TECTA: variants seen among roughly 807,000 people sequenced by gnomAD.
The protein encoded by TECTA is tectorin alpha, also known as alpha-tectorin.
In TECTA, 128 loss-of-function variants were observed where a neutral mutation model predicts 216.8. The observed-to-expected ratio is 0.59, with a 90% confidence interval of 0.51 to 0.68. The LOEUF is 0.68. Among genes scored for constraint, TECTA ranks in the 30% least tolerant of loss-of-function variants. The pLI is 0.00. For synonymous variants in TECTA, 1,089 were observed against 1,117.1 expected (o/e 0.97, Z 0.50); for missense variants, 2,551 against 2,786.2 (o/e 0.92, Z 1.90).
Position 121,160,439 on chromosome 11 carries a change from C to T in TECTA, c.4976+18C>T, listed in dbSNP as rs748790296. 1 of 1,597,998 alleles carries T rather than the reference C, an allele frequency of 6.3e-7. No homozygotes were observed. Among genetic ancestry groups the T allele is most frequent in the East Asian group, 2.3e-5 (1 of 44,028 alleles). ...CAGAAGAGGTGAGGGTGTAGGAGTT[C>T]AAGCCACTAGACTTGGTGGCCCAAG... is the stretch of plus-strand genomic sequence containing the variant. On this transcript the variant is annotated intron_variant, in intron 15 of 23. Coordinates refer to ENST00000392793, the MANE Select transcript of TECTA (RefSeq NM_005422.4).
chr11:121,153,531 G>A (rs988706198), intron 13 of TECTA, among the ~76,000 whole-genome samples: 2 of 152,100 alleles, frequency 1.3e-5, no homozygotes, highest in African/African-American at 4.8e-5. Context: ...TGAGTGGGGC[G>A]GACTTCCCTC....
Position 121,145,879 on chromosome 11 carries a change from A to G in TECTA, c.3868A>G (p.Lys1290Glu), listed in dbSNP as rs975890837. The stretch of plus-strand genomic sequence containing the variant: ...TGGGGACCGCTGTCCGTCCTGTGCC[A>G]AGGTGGAAGGTTTCTCCAAAGTGCA... ...GCGDRCPSCAKVEGFSKVQQL... is the reference protein window; with the variant it reads ...GCGDRCPSCAEVEGFSKVQQL... The change falls in exon 12 of 24, where the codon AAG becomes GAG. Residue 1290 changes from lysine to glutamate, a missense_variant. This residue lies in a region of TECTA where 2,375 missense variants were observed against 2,563.9 expected (regional missense o/e 0.93). Coordinates refer to ENST00000392793, the MANE Select transcript of TECTA (RefSeq NM_005422.4). 6.2e-7 allele frequency: 1 copy of G among 1,614,130 alleles called. No homozygotes were observed. The highest frequency in any genetic ancestry group is 1.3e-5 in the African/African-American group (1 of 74,936).
Position 121,125,737 on chromosome 11 carries a change from G to T in TECTA, c.1639G>T (p.Val547Leu). 3 of 1,613,894 alleles carry T rather than the reference G, an allele frequency of 1.9e-6. No individual in the cohort carries two copies. The South Asian group carries it at 3.3e-5, about 18-fold the overall frequency. ...CACTGTCGTGGACCCCACTGCTTTT[G>T]TGCACAGCTGCGTGTATGACCTGTG... ...CGTVVDPTAF[V>L]HSCVYDLCSV... The change falls in exon 8 of 24, where the codon GTG becomes TTG. Residue 547 changes from valine to leucine, a missense_variant. Transcript: ENST00000392793.
intron 11 of TECTA, among the ~76,000 whole-genome samples, chr11:121,139,344 A>G (rs891912318): frequency 5.9e-5 from 9 of 152,224 alleles, no homozygotes; most frequent in Non-Finnish European, 1.3e-4. Flanking sequence ...ATTCATCTTT[A>G]TGTTGAATGA....
intron 7 of TECTA, among the ~76,000 whole-genome samples, chr11:121,123,818 T>C (rs1946582084): frequency 6.6e-6 from 1 of 152,230 alleles, no homozygotes; most frequent in Non-Finnish European, 1.5e-5. Flanking sequence ...CGGGCCCTGC[T>C]TGTTCTGGCT....
chr11:121,190,379 C>T (rs1160319994), intron 23 of TECTA, among the ~76,000 whole-genome samples: 1 of 152,168 alleles, frequency 6.6e-6, no homozygotes, highest in Non-Finnish European at 1.5e-5. Flanking sequence ...ATTCTCCTGC[C>T]TCAACCACCG....
Position 121,189,766 on chromosome 11 carries a change from C to T in TECTA, c.6253C>T (p.Leu2085=). ...ISVGPIRRKR[L]DWCEDNGGCE... ...TCTTCCTAACTGCTCTTTTGTAGGG[C>T]TGGACTGGTGTGAGGACAATGGAGG... The change falls in exon 23 of 24, where the codon CTG becomes TTG. Residue 2085 remains leucine, a splice_region_variant and synonymous_variant. Transcript: ENST00000392793. The T allele has an allele frequency of 6.2e-7, 1 of 1,613,818 alleles. No homozygotes were observed. The highest frequency in any genetic ancestry group is 8.5e-7 in the Non-Finnish European group (1 of 1,179,792).
rs2135110389 is a variant in TECTA, at chr11:121,149,018, G to T, written c.4105+2902G>T. ...GGAAATAAAAAAGGAATAAATGACA[G>T]TTCCTTAGCTCTCACTATGTGCCAG... On this transcript the variant is annotated intron_variant, in intron 12 of 23. Transcript: ENST00000392793. Among the ~76,000 whole-genome samples, 2 of 152,356 alleles carry T rather than the reference G, an allele frequency of 1.3e-5. 1 individual carries two copies. Among genetic ancestry groups the T allele is most frequent in the Non-Finnish European group, 2.9e-5 (2 of 68,042 alleles).
chr11:121,167,922 G>A, intron 18 of TECTA, 132 bp from the exon 19 acceptor site: 2 of 1,024,910 alleles, frequency 2.0e-6, no homozygotes, highest in South Asian at 1.3e-5. Context: ...CTAGCTCCAT[G>A]CTGATTTATA....
At position 121,113,790 on chromosome 11, in the gene TECTA, A is replaced by T; in HGVS notation, c.790+72A>T. 6.4e-7 allele frequency: 1 copy of T among 1,568,376 alleles called. No individual in the cohort carries two copies. Reference sequence around the variant, plus strand: ...AGATTGACAGGCAAGCTTTTAAGCCACGGGGGCGGACTCATTCCTGATGCC... The same window carrying T: ...AGATTGACAGGCAAGCTTTTAAGCCTCGGGGGCGGACTCATTCCTGATGCC... On this transcript the variant is annotated intron_variant, in intron 6 of 23. Coordinates refer to ENST00000392793, the MANE Select transcript of TECTA (RefSeq NM_005422.4). This position sits in a 1 kb window ranked among gnomAD's most constrained non-coding sequence, Gnocchi z 4.2.
rs139938604 is a variant in TECTA at position 121,178,870 on chromosome 11, C to T, written c.6000-8962C>T. Among the ~76,000 whole-genome samples, 299 of 152,212 alleles carry T rather than the reference C, an allele frequency of 2.0e-3. 2 individuals carry two copies. Among genetic ancestry groups the T allele is most frequent in the African/African-American group, 7.0e-3 (292 of 41,542 alleles). ...ATCTATCCATTTTCTGTAGGTTTTA[C>T]AAAGTGTATAGTTGTTCATAACAGT... On this transcript the variant is annotated intron_variant, in intron 20 of 23. Transcript: ENST00000392793.
At chr11:121,162,448 G>A in intron 16 of TECTA, 78 bp downstream of exon 16, 3 of 1,492,024 alleles carry the variant, frequency 2.0e-6, no homozygotes, top group South Asian at 1.2e-5. Flanking sequence ...GCTTTTTCTA[G>A]GGATGACTGG....
At chr11:121,118,822 A>G (rs1389311401) in intron 7 of TECTA, 104 bp downstream of exon 7, 2 of 1,451,052 alleles carry the variant, frequency 1.4e-6, no homozygotes, top group African/African-American at 1.4e-5. Flanking sequence ...GTCTCTGTAC[A>G]GTGCCAAAGA....
At position 121,158,238 on chromosome 11, in the gene TECTA, C is replaced by A; in HGVS notation, c.4689+14C>A. 1 of 1,609,764 alleles carries A rather than the reference C, an allele frequency of 6.2e-7. No individual in the cohort carries two copies. The highest frequency in any genetic ancestry group is 1.1e-5 in the South Asian group (1 of 91,080). On this transcript the variant is annotated intron_variant, in intron 14 of 23. Transcript: ENST00000392793. Reference sequence around the variant, plus strand: ...AACACGGTCAAGGTAACCAGCCTGGCGGCCATTCTTAAGAAGGGGCCCGGA... The same window carrying A: ...AACACGGTCAAGGTAACCAGCCTGGAGGCCATTCTTAAGAAGGGGCCCGGA...
At chr11:121,190,115 T>TA (rs1947327391) in intron 23 of TECTA, 1 of 522,232 alleles carries the variant, frequency 1.9e-6, no homozygotes, top group Admixed American at 3.2e-5. Flanking sequence ...AAAGGTAATT[T>TA]AAAAAAACAA....
chr11:121,180,353 A>G (rs527773841), intron 20 of TECTA, among the ~76,000 whole-genome samples: 22 of 152,058 alleles, frequency 1.4e-4, no homozygotes, highest in Non-Finnish European at 2.6e-4. Context: ...GGGAAATACT[A>G]TTTTTCTTCA....
chr11:121,106,075 G>T, intron 3 of TECTA, 111 bp downstream of exon 3: 1 of 1,555,648 alleles, frequency 6.4e-7, no homozygotes, highest in Non-Finnish European at 8.8e-7. Context: ...AGGATTTATT[G>T]GCAGCCAAAA....
chr11:121,166,927 A>G, intron 18 of TECTA, 147 bp downstream of exon 18: 1 of 859,406 alleles, frequency 1.2e-6, no homozygotes, highest in Middle Eastern at 3.1e-4. Context: ...GCAACATGAA[A>G]GACAGCAAGA....
In TECTA at chr11:121,146,066, G is replaced by A. The variant is rs749186691; in HGVS notation, c.4055G>A (p.Cys1352Tyr). The A allele has an allele frequency of 2.6e-5, 42 of 1,612,814 alleles. No homozygotes were observed. Among genetic ancestry groups the A allele is most frequent in the Non-Finnish European group, 3.3e-5 (39 of 1,180,036 alleles). Residue 1352 changes from cysteine to tyrosine, a missense_variant, in exon 12 of 24, where the codon TGC becomes TAC. By Grantham distance (194) the Cys-to-Tyr change is radical. Around this residue, in one of 3 missense-constraint regions of TECTA, gnomAD observed 2,375 missense variants for 2,563.9 expected, o/e 0.93. Coordinates refer to ENST00000392793, the MANE Select transcript of TECTA (RefSeq NM_005422.4). ...TGGCTGCAGAACTACGCCAGCACCTGCCAGACTCAGGGGATTACGGTGACT... is the reference window on the plus strand; with the variant it reads ...TGGCTGCAGAACTACGCCAGCACCTACCAGACTCAGGGGATTACGGTGACT... The part of the protein sequence containing the change: ...CSWLQNYAST[C>Y]QTQGITVTGW...
Sources: allele counts gnomAD v4.1 joint callset (sites outside exome capture counted in the v4.1 genomes callset), GRCh38; gene constraint gnomAD v4.1.1; regional missense constraint gnomAD v4.1.1; non-coding constraint Gnocchi (gnomAD v3.1); transcripts MANE v1.5; gene names NCBI Gene and HGNC (gene_info 2026-07-23, HGNC 2026-07-21).